The following ANKS1B variants were observed in gnomAD, a reference collection of about 807,000 sequenced individuals.
ANKS1B encodes ankyrin repeat and sterile alpha motif domain-containing protein 1B.
ANKS1B carries 36 observed loss-of-function variants against 148.3 expected under a neutral mutation model. The ratio of observed to expected loss-of-function variants is 0.24; its 90% CI spans 0.19 to 0.32. ANKS1B has a LOEUF of 0.32. Among genes scored for constraint, ANKS1B ranks in the 10% least tolerant of loss-of-function variants. The pLI is 1.00. For synonymous variants in ANKS1B, 542 were observed against 560.8 expected, an observed-to-expected ratio of 0.97 and a Z score of 0.47; for missense variants, 1,157 against 1,542.6, an observed-to-expected ratio of 0.75 and a Z score of 4.19.
intron 10 of ANKS1B, among the ~76,000 whole-genome samples, chr12:99,478,842 C>G (rs1817939343): frequency 6.6e-6 from 1 of 152,036 alleles, no homozygotes; most frequent in South Asian, 2.1e-4. Flanking sequence ...CCGAATTACC[C>G]TTTTATTTTC....
chr12:99,109,603 A>C (rs752321840), intron 15 of ANKS1B, among the ~76,000 whole-genome samples: 1 of 152,196 alleles, frequency 6.6e-6, no homozygotes, highest in Non-Finnish European at 1.5e-5. Flanking sequence ...AGGGTTCAAA[A>C]TACATATAAG....
intron 12 of ANKS1B, among the ~76,000 whole-genome samples, chr12:99,296,727 T>C (rs954404149): frequency 1.2e-4 from 18 of 152,220 alleles, no homozygotes; most frequent in African/African-American, 4.3e-4. Flanking sequence ...GCTTGTCTTA[T>C]TCAGTTTGTA....
intron 1 of ANKS1B, among the ~76,000 whole-genome samples, chr12:99,977,528 T>G (rs550716435): frequency 1.3e-5 from 2 of 152,330 alleles, no homozygotes; most frequent in African/African-American, 4.8e-5. Flanking sequence ...ATCATAGCAC[T>G]GTGGAAAACA....
chr12:98,819,568 C>G (rs768479738), intron 19 of ANKS1B, among the ~76,000 whole-genome samples: 18 of 152,174 alleles, frequency 1.2e-4, no homozygotes, highest in Non-Finnish European at 2.4e-4. Flanking sequence ...ATCAACTAGA[C>G]CTTTTCCAAT....
At chr12:98,907,208 C>T (rs989895441) in intron 17 of ANKS1B, among the ~76,000 whole-genome samples, 4 of 152,152 alleles carry the variant, frequency 2.6e-5, no homozygotes, top group African/African-American at 4.8e-5. Context: ...TTTGCATATT[C>T]GTTGTTGGTC....
intron 1 of ANKS1B, among the ~76,000 whole-genome samples, chr12:99,971,249 G>C (rs1187135057): frequency 6.6e-6 from 1 of 152,080 alleles, no homozygotes; most frequent in Non-Finnish European, 1.5e-5. Flanking sequence ...TGTCTTCAAA[G>C]TTTCTATCAA....
At chr12:98,890,536 A>G (rs185814938) in intron 17 of ANKS1B, among the ~76,000 whole-genome samples, 2 of 152,332 alleles carry the variant, frequency 1.3e-5, no homozygotes, top group Non-Finnish European at 2.9e-5. Flanking sequence ...ATATTTCTAG[A>G]AAAATAACTA....
chr12:99,410,034 G>C (rs185303359), intron 11 of ANKS1B, among the ~76,000 whole-genome samples: 3 of 152,296 alleles, frequency 2.0e-5, no homozygotes, highest in East Asian at 3.9e-4. Flanking sequence ...TACTTAGCAG[G>C]AGTCAGCAAA....
chr12:99,642,492 G>C (rs896567303), intron 9 of ANKS1B, among the ~76,000 whole-genome samples: 2 of 152,176 alleles, frequency 1.3e-5, no homozygotes, highest in Admixed American at 6.5e-5. Flanking sequence ...AAATTAAGGT[G>C]TTAGCAGGGC....
intron 15 of ANKS1B, among the ~76,000 whole-genome samples, chr12:99,111,904 TA>T (rs1294033546): frequency 1.3e-5 from 2 of 152,122 alleles, no homozygotes; most frequent in Admixed American, 1.3e-4. Flanking sequence ...AAGCTTCAGA[TA>T]TAGATTCAGG....
intron 1 of ANKS1B, among the ~76,000 whole-genome samples, chr12:99,919,904 A>G (rs1418448417): frequency 6.6e-6 from 1 of 152,194 alleles, no homozygotes; most frequent in Non-Finnish European, 1.5e-5. Context: ...TAAAGAAAAC[A>G]TTGTTAGATT....
At chr12:99,637,043 C>T (rs1164780090) in intron 9 of ANKS1B, among the ~76,000 whole-genome samples, 5 of 152,172 alleles carry the variant, frequency 3.3e-5, no homozygotes, top group Admixed American at 2.6e-4. Context: ...TGGTGGCTCA[C>T]ACCTGTAATC....
intron 1 of ANKS1B, among the ~76,000 whole-genome samples, chr12:99,947,813 G>C (rs973621772): frequency 6.6e-6 from 1 of 152,076 alleles, no homozygotes; most frequent in African/African-American, 2.4e-5. Context: ...ACAGCAAATA[G>C]GACTGAAGTC....
chr12:99,358,337 T>C (rs2152418729), intron 12 of ANKS1B, among the ~76,000 whole-genome samples: 1 of 152,254 alleles, frequency 6.6e-6, no homozygotes, highest in Non-Finnish European at 1.5e-5. Context: ...TGAAATTTAT[T>C]TTACCCCCTC....
chr12:99,942,965 A>G (rs1466455489), intron 1 of ANKS1B, among the ~76,000 whole-genome samples: 1 of 152,128 alleles, frequency 6.6e-6, no homozygotes, highest in Non-Finnish European at 1.5e-5. Context: ...TGACCACACA[A>G]CCTAAGTTGG....
At chr12:99,837,148 T>C (rs1188619094) in intron 1 of ANKS1B, among the ~76,000 whole-genome samples, 2 of 152,076 alleles carry the variant, frequency 1.3e-5, no homozygotes, top group African/African-American at 4.8e-5. Flanking sequence ...CAACTGGCCA[T>C]TGTTGGCTCT....
At chr12:99,968,286 G>A (rs930746382) in intron 1 of ANKS1B, among the ~76,000 whole-genome samples, 2 of 152,020 alleles carry the variant, frequency 1.3e-5, no homozygotes, top group Non-Finnish European at 2.9e-5. Flanking sequence ...GGCTGGGTGT[G>A]GTGGCTGACG....
At chr12:99,423,407 A>G (rs1168347396) in intron 11 of ANKS1B, among the ~76,000 whole-genome samples, 1 of 152,188 alleles carries the variant, frequency 6.6e-6, no homozygotes, top group Non-Finnish European at 1.5e-5. Context: ...TAGTTCCATT[A>G]TTGTGGAAGA....
intron 15 of ANKS1B, among the ~76,000 whole-genome samples, chr12:99,141,910 T>G (rs925191183): frequency 6.6e-6 from 1 of 152,080 alleles, no homozygotes; most frequent in Non-Finnish European, 1.5e-5. Context: ...GAGCAAGTTT[T>G]TCCCATGGAG....
Sources: gnomAD v4.1 joint callset for allele counts (sites outside exome capture counted in the v4.1 genomes callset) on GRCh38, gnomAD v4.1.1 for gene constraint, MANE v1.5 for transcripts, NCBI Gene and HGNC (gene_info 2026-07-23, HGNC 2026-07-21) for gene names.